XPNPEP3: variants seen among roughly 807,000 people sequenced by gnomAD.
XPNPEP3 encodes xaa-Pro aminopeptidase 3.
In XPNPEP3, 41 loss-of-function variants were observed where a neutral mutation model predicts 60.0. That is an observed-to-expected ratio of 0.68 (90% CI 0.53 to 0.89). The LOEUF is 0.89. Ranked by LOEUF, XPNPEP3 falls within the 40% of genes least tolerant of loss-of-function variation. The pLI is 0.00. For missense variants in XPNPEP3, 598 were observed against 638.9 expected, an observed-to-expected ratio of 0.94 and a Z score of 0.69; for synonymous variants, 212 against 223.2, an observed-to-expected ratio of 0.95 and a Z score of 0.45.
intron 7 of XPNPEP3, among the ~76,000 whole-genome samples, chr22:40,916,826 A>G (rs2058197940): frequency 6.6e-6 from 1 of 152,174 alleles, no homozygotes; most frequent in African/African-American, 2.4e-5. Flanking sequence ...GAGGTGCCTC[A>G]TGTAATCCCA....
At chr22:40,908,560 C>T (rs2146270484) in intron 5 of XPNPEP3, among the ~76,000 whole-genome samples, 1 of 152,302 alleles carries the variant, frequency 6.6e-6, no homozygotes, top group African/African-American at 2.4e-5. Flanking sequence ...AGCAGATACT[C>T]ACCAACCTCC....
chr22:40,911,754 G>C (rs1345462485), intron 6 of XPNPEP3, among the ~76,000 whole-genome samples: 5 of 152,202 alleles, frequency 3.3e-5, no homozygotes, highest in Middle Eastern at 3.4e-3. Context: ...TGGCCAGGCT[G>C]GTCTCAAACT....
intron 9 of XPNPEP3, 134 bp downstream of exon 9, chr22:40,924,616 C>A: frequency 1.5e-6 from 2 of 1,300,340 alleles, no homozygotes; most frequent in African/African-American, 1.5e-5. Context: ...CTCCGCCCCC[C>A]AGGTTCAGCA....
chr22:40,921,840 T>G (rs192542503), intron 7 of XPNPEP3, among the ~76,000 whole-genome samples: 1 of 152,288 alleles, frequency 6.6e-6, no homozygotes, highest in African/African-American at 2.4e-5. Flanking sequence ...GGTCACTTTT[T>G]TATCTCGTAA....
intron 1 of XPNPEP3, chr22:40,861,209 G>C (rs35641204): frequency 3.1e-6 from 5 of 1,613,860 alleles, no homozygotes; most frequent in Non-Finnish European, 4.2e-6. Flanking sequence ...CATTGTCCAC[G>C]AAAGTATATT....
intron 7 of XPNPEP3, among the ~76,000 whole-genome samples, chr22:40,921,390 AGT>A (rs1246099815): frequency 6.7e-6 from 1 of 149,936 alleles, no homozygotes; most frequent in Admixed American, 6.7e-5. Flanking sequence ...TATGCATTTT[AGT>A]GTATATAAAG....
intron 7 of XPNPEP3, among the ~76,000 whole-genome samples, chr22:40,915,033 A>T (rs1285426981): frequency 6.7e-6 from 1 of 148,300 alleles, no homozygotes; most frequent in African/African-American, 2.5e-5. Flanking sequence ...AATAGGCAGA[A>T]ATTGTACAAG....
chr22:40,859,015 C>G (rs1569010356), intron 1 of XPNPEP3, among the ~76,000 whole-genome samples: 1 of 152,148 alleles, frequency 6.6e-6, no homozygotes, highest in Non-Finnish European at 1.5e-5. Context: ...CTCAGCTTCT[C>G]AAAGTGTTGC....
chr22:40,870,199 AC>A, intron 2 of XPNPEP3: 4 of 336,288 alleles, frequency 1.2e-5, no homozygotes, highest in South Asian at 8.7e-5. Flanking sequence ...CTATCAACCT[AC>A]CTGTAGACTC....
In XPNPEP3 at chr22:40,861,317, A is replaced by G. The variant is rs75204379; in HGVS notation, c.64+4072A>G. On this transcript the variant is annotated intron_variant, in intron 1 of 9. Transcript: ENST00000357137. ...TTGCAAAGCCCTCTTCATTGGCCAC[A>G]CTATTTACAAGAAAAAATGTCAACT... 1.4e-5 allele frequency: 23 copies of G among 1,614,102 alleles called. 1 individual carries two copies. In the East Asian group the frequency reaches 4.9e-4, roughly 34 times the overall value.
At chr22:40,872,507 A>G (rs997775060) in intron 2 of XPNPEP3, among the ~76,000 whole-genome samples, 6 of 151,602 alleles carry the variant, frequency 4.0e-5, no homozygotes, top group Non-Finnish European at 7.4e-5. Flanking sequence ...CTGGAGTGCA[A>G]TGACACAATC....
chr22:40,859,159 G>A (rs8135426), intron 1 of XPNPEP3, among the ~76,000 whole-genome samples: 6,593 of 152,202 alleles, frequency 0.043, 455 homozygotes, highest in African/African-American at 0.15. Context: ...TCTTGAACTG[G>A]TATCCCTGGA....
At chr22:40,923,783 CAG>C (rs1211800579) in intron 8 of XPNPEP3, among the ~76,000 whole-genome samples, 13 of 152,034 alleles carry the variant, frequency 8.6e-5, no homozygotes, top group African/African-American at 3.1e-4. Context: ...ACCCAGGAGA[CAG>C]AGTTTGCAGT....
At chr22:40,877,002 TC>T (rs2058029901) in intron 2 of XPNPEP3, among the ~76,000 whole-genome samples, 1 of 152,212 alleles carries the variant, frequency 6.6e-6, no homozygotes, top group African/African-American at 2.4e-5. Context: ...CCTGGAAAGT[TC>T]CCTCATGCTC....
intron 4 of XPNPEP3, among the ~76,000 whole-genome samples, chr22:40,896,122 C>G (rs1334158103): frequency 6.6e-6 from 1 of 152,140 alleles, no homozygotes; most frequent in Non-Finnish European, 1.5e-5. Flanking sequence ...TTTTTATAGT[C>G]TGAGGAGTTT....
At chr22:40,918,498 C>A (rs892352330) in intron 7 of XPNPEP3, among the ~76,000 whole-genome samples, 2 of 151,880 alleles carry the variant, frequency 1.3e-5, no homozygotes, top group Non-Finnish European at 2.9e-5. Flanking sequence ...ATGGTGAAAC[C>A]CTGTCTCTAC....
rs185612041 is a variant in XPNPEP3, at chr22:40,873,173, C to T, written c.181+4058C>T. 1.1e-3 allele frequency among the ~76,000 whole-genome samples: 158 copies of T among 143,952 alleles called. 3 individuals carry two copies. Among genetic ancestry groups the T allele is most frequent in the African/African-American group, 4.0e-3 (152 of 38,302 alleles). The allele number at this position is 143,952 out of a possible 152,430, so 94.4% of individuals were successfully genotyped here. A position where few individuals can be genotyped will look rare whatever the true frequency, so the allele number is the denominator to read the frequency against. On this transcript the variant is annotated intron_variant, in intron 2 of 9. Coordinates refer to ENST00000357137, the MANE Select transcript of XPNPEP3 (RefSeq NM_022098.4). ...CAGGCTGGAGTGCAGTGGCGTGATCCGGCTCACTGCAACCTCCGCCTCCCA... is the reference window on the plus strand; with the variant it reads ...CAGGCTGGAGTGCAGTGGCGTGATCTGGCTCACTGCAACCTCCGCCTCCCA...
rs1459727877 is a variant in XPNPEP3 at position 40,930,867 on chromosome 22, CCAGAGA to C, written c.*4436_*4441del. 1 of 151,894 alleles carries C rather than the reference CCAGAGA, an allele frequency of 6.6e-6. No homozygotes were observed. The highest frequency in any genetic ancestry group is 2.4e-5 in the African/African-American group (1 of 41,288). 9.4% of individuals were successfully genotyped at this position (151,894 alleles called of 1,614,324 possible). A position where few individuals can be genotyped will look rare whatever the true frequency, so the allele number is the denominator to read the frequency against. Reference sequence around the variant, plus strand: ...TACAGGCATGAGCCACGGCCCCCAGCCAGAGACAGTCTTGCTTTGTCGCCAGGCTGG... The same window carrying C: ...TACAGGCATGAGCCACGGCCCCCAGCCAGTCTTGCTTTGTCGCCAGGCTGG... On this transcript the variant is annotated 3_prime_UTR_variant, in exon 10 of 10. Transcript: ENST00000357137.
rs893137567 is a variant in XPNPEP3, at chr22:40,868,875, AGAAG to A, written c.65-116_65-113del. ...AAAAAATAAATGAATATTGAAGGAG[AGAAG>A]GAAGGAAATATTAGTTTGCATTTTT... On this transcript the variant is annotated intron_variant, in intron 1 of 9. Coordinates refer to ENST00000357137, the MANE Select transcript of XPNPEP3 (RefSeq NM_022098.4). The A allele has an allele frequency of 9.0e-6, 7 of 780,326 alleles. No homozygotes were observed. The African/African-American group carries it at 1.2e-4, about 13-fold the overall frequency. 48.3% of individuals were successfully genotyped at this position (780,326 alleles called of 1,614,324 possible).
Sources: gnomAD v4.1 joint callset for allele counts (sites outside exome capture counted in the v4.1 genomes callset) on GRCh38, gnomAD v4.1.1 for gene constraint, MANE v1.5 for transcripts, NCBI Gene and HGNC (gene_info 2026-07-23, HGNC 2026-07-21) for gene names.